Variants in POP1 observed in about 807,000 individuals in gnomAD.
The protein encoded by POP1 is ribonucleases P/MRP protein subunit POP1.
In POP1, 75 loss-of-function variants were observed where a neutral mutation model predicts 102.2. The observed-to-expected ratio is 0.73, with a 90% CI of 0.61 to 0.89. The LOEUF (loss-of-function observed/expected upper bound fraction) is 0.89, where lower values mean the gene tolerates loss of function less well. Among genes scored for constraint, POP1 ranks in the 40% least tolerant of loss-of-function variants. The pLI is 0.00. For missense variants in POP1, 1,116 were observed against 1,267.4 expected (o/e 0.88, Z 1.81); for synonymous variants, 436 against 464.1 (o/e 0.94, Z 0.78).
At chr8:98,143,124 T>G (rs2130615263) in intron 11 of POP1, among the ~76,000 whole-genome samples, 1 of 152,342 alleles carries the variant, frequency 6.6e-6, no homozygotes, top group South Asian at 2.1e-4. Flanking sequence ...AGTCACATTC[T>G]GGAGTTAATA....
chr8:98,118,838 T>G (rs1436717119), intron 1 of POP1, among the ~76,000 whole-genome samples: 4 of 151,798 alleles, frequency 2.6e-5, no homozygotes, highest in African/African-American at 9.7e-5. Flanking sequence ...AATAGTGGAT[T>G]GGAGAGGGAA....
At chr8:98,143,183 A>C (rs1270245830) in intron 11 of POP1, among the ~76,000 whole-genome samples, 2 of 152,190 alleles carry the variant, frequency 1.3e-5, no homozygotes, top group African/African-American at 2.4e-5. Context: ...ACATGCTTTG[A>C]GTCTGGGGGA....
chr8:98,145,827 A>C (rs1221480898), intron 11 of POP1, among the ~76,000 whole-genome samples: 2 of 152,028 alleles, frequency 1.3e-5, no homozygotes, highest in African/African-American at 4.8e-5. Context: ...AATTACATGA[A>C]CCTGGGAGGC....
Position 98,158,262 on chromosome 8 carries a change from T to C in POP1, c.3066T>C (p.Ile1022=). The C allele has an allele frequency of 6.2e-7, 1 of 1,609,458 alleles. No individual in the cohort carries two copies. The highest frequency in any genetic ancestry group is 8.5e-7 in the Non-Finnish European group (1 of 1,179,986). The change falls in exon 16 of 16, where the codon ATT becomes ATC. Residue 1022 remains isoleucine (I), a synonymous_variant. Coordinates refer to ENST00000401707, the MANE Select transcript of POP1 (RefSeq NM_001145860.2). The part of the protein sequence containing the change: ...SLQYRFARIA[I]EV ...AGTATCGATTTGCGAGGATTGCTAT[T>C]GAGGTGTGAATGCGTGCTTGTATCC...
At chr8:98,136,098 T>C (rs1465437812) in intron 7 of POP1, among the ~76,000 whole-genome samples, 2 of 150,824 alleles carry the variant, frequency 1.3e-5, no homozygotes, top group Non-Finnish European at 2.9e-5. Context: ...TATTTTTTTT[T>C]GAGACGGAGT....
chr8:98,136,903 A>T lies in POP1; in HGVS notation c.1311A>T (p.Pro437=), dbSNP rs1394887982. Residue 437 remains proline (P), a synonymous_variant, in exon 9 of 16, where the codon CCA becomes CCT. Coordinates refer to ENST00000401707, the MANE Select transcript of POP1 (RefSeq NM_001145860.2). ...TGAACAGATTCCGGCTGATTGGGCC[A>T]CTTTCCCACTCCATCCTAACTGAAG... ...MEMNRFRLIG[P]LSHSILTEAI... The T allele has an allele frequency of 6.2e-7, 1 of 1,613,782 alleles. No homozygotes were observed. Among genetic ancestry groups the T allele is most frequent in the Non-Finnish European group, 8.5e-7 (1 of 1,179,764 alleles).
intron 1 of POP1, among the ~76,000 whole-genome samples, chr8:98,119,582 C>CT (rs950577406): frequency 2.9e-4 from 44 of 149,710 alleles, no homozygotes; most frequent in African/African-American, 4.9e-4. Context: ...CTTCTGGAAA[C>CT]TTTTTTTTTT....
chr8:98,122,096 T>C (rs1252055146), intron 1 of POP1, among the ~76,000 whole-genome samples: 1 of 152,170 alleles, frequency 6.6e-6, no homozygotes, highest in Non-Finnish European at 1.5e-5. Flanking sequence ...CCCTAACTGC[T>C]GTGATTATAG....
intron 5 of POP1, among the ~76,000 whole-genome samples, chr8:98,131,725 C>G (rs974362428): frequency 6.6e-6 from 1 of 152,166 alleles, no homozygotes; most frequent in African/African-American, 2.4e-5. Flanking sequence ...TTTACATTCC[C>G]ACCAGCAATA....
intron 11 of POP1, 59 bp from the exon 12 acceptor site, chr8:98,146,509 G>A: frequency 8.2e-7 from 1 of 1,212,172 alleles, no homozygotes; most frequent in Admixed American, 1.7e-5. Flanking sequence ...CCAATGTTTG[G>A]AGTTTGACTT....
At chr8:98,127,087 C>T (rs1190778374) in intron 2 of POP1, among the ~76,000 whole-genome samples, 1 of 152,124 alleles carries the variant, frequency 6.6e-6, no homozygotes, top group Non-Finnish European at 1.5e-5. Context: ...AGCACCTTTT[C>T]ACTGGTTCTC....
chr8:98,141,714 T>G (rs1200931131), intron 11 of POP1, among the ~76,000 whole-genome samples: 3 of 150,478 alleles, frequency 2.0e-5, no homozygotes, highest in Non-Finnish European at 4.4e-5. Context: ...CCACAACGCC[T>G]GGCTAATTTT....
chr8:98,130,532 T>C (rs1816352322), intron 5 of POP1, among the ~76,000 whole-genome samples: 1 of 82,734 alleles, frequency 1.2e-5, no homozygotes, highest in South Asian at 6.7e-4. Flanking sequence ...AGCTGAGCTC[T>C]AAGGGATAAG....
At chr8:98,149,141 A>T (rs1422323185) in intron 13 of POP1, 135 bp downstream of exon 13, 1 of 834,838 alleles carries the variant, frequency 1.2e-6, no homozygotes, top group African/African-American at 1.7e-5. Flanking sequence ...TTAGAGCTAT[A>T]GTCCTGGATA....
In POP1 at chr8:98,142,254, A is replaced by G. The variant is rs75302360; in HGVS notation, c.1594+1366A>G. On this transcript the variant is annotated intron_variant, in intron 11 of 15. Transcript: ENST00000401707. ...ATCAGCTCAAGGAAAATTAAAGTCT[A>G]TCTTGAAAAACGTGATTTAATTTGA... 2.0e-5 allele frequency among the ~76,000 whole-genome samples: 3 copies of G among 152,284 alleles called. No homozygotes were observed. The East Asian group carries it at 5.8e-4, about 29-fold the overall frequency.
At chr8:98,144,913 G>T (rs1164186040) in intron 11 of POP1, among the ~76,000 whole-genome samples, 2 of 151,740 alleles carry the variant, frequency 1.3e-5, no homozygotes, top group Non-Finnish European at 2.9e-5. Flanking sequence ...TTTGAGACAG[G>T]GTCTGGCTCT....
intron 5 of POP1, among the ~76,000 whole-genome samples, chr8:98,133,469 A>G (rs541846667): frequency 8.5e-5 from 13 of 152,290 alleles, no homozygotes; most frequent in African/African-American, 3.1e-4. Context: ...AGTAATCTTG[A>G]GGTCCTGAAT....
rs542228305 is a variant in POP1, at chr8:98,140,221, G to T, written c.1474+32G>T. The T allele has an allele frequency of 1.9e-6, 3 of 1,591,634 alleles. No individual in the cohort carries two copies. In the African/African-American group the frequency reaches 4.0e-5, roughly 21 times the overall value. On this transcript the variant is annotated intron_variant, in intron 10 of 15. Transcript: ENST00000401707. ...AAAGGGAAGACTGGGTTGTGTTGGG[G>T]AGGGAAGGGGGCCAAAAGAGCCTTT... is the stretch of plus-strand genomic sequence containing the variant.
intron 1 of POP1, among the ~76,000 whole-genome samples, 191 bp from the exon 2 acceptor site, chr8:98,123,145 A>G (rs1816083587): frequency 6.6e-6 from 1 of 152,172 alleles, no homozygotes; most frequent in Non-Finnish European, 1.5e-5. Flanking sequence ...TCATTCTTCT[A>G]ACAGACTTTA....
Sources: gnomAD v4.1 joint callset for allele counts (sites outside exome capture counted in the v4.1 genomes callset) on GRCh38, gnomAD v4.1.1 for gene constraint, MANE v1.5 for transcripts, NCBI Gene and HGNC (gene_info 2026-07-23, HGNC 2026-07-21) for gene names.